The following RSF1 variants were observed in gnomAD, a reference collection of about 807,000 sequenced individuals.
RSF1 encodes remodeling and spacing factor 1.
A neutral mutation model predicts 145.2 loss-of-function variants in RSF1; 13 were observed. That is an observed-to-expected ratio of 0.09 (90% confidence interval 0.06 to 0.14). The LOEUF is 0.14. RSF1 is among the 10% of genes least tolerant of loss of function. The pLI, the probability that RSF1 is intolerant of heterozygous loss-of-function variation, is 1.00. For synonymous variants in RSF1, 577 were observed against 592.6 expected (o/e 0.97, Z 0.38); for missense variants, 1,517 against 1,718.2 (o/e 0.88, Z 2.07).
intron 1 of RSF1, among the ~76,000 whole-genome samples, chr11:77,805,455 G>GA (rs1020429101): frequency 6.7e-6 from 1 of 148,460 alleles, no homozygotes; most frequent in Non-Finnish European, 1.5e-5. Flanking sequence ...AAAGAAAAAA[G>GA]AAAAAAAAAG....
intron 1 of RSF1, among the ~76,000 whole-genome samples, chr11:77,781,008 G>C (rs1297821417): frequency 6.6e-6 from 1 of 151,946 alleles, no homozygotes; most frequent in East Asian, 1.9e-4. Context: ...TTCACATGAT[G>C]TTTCTGAGAT....
At chr11:77,783,408 T>C (rs1005210476) in intron 1 of RSF1, among the ~76,000 whole-genome samples, 6 of 152,240 alleles carry the variant, frequency 3.9e-5, no homozygotes, top group Admixed American at 1.3e-4. Context: ...AAGATGTTTC[T>C]TGTAGTGCAA....
At chr11:77,840,858 G>C in the RSF1 span, among the ~76,000 whole-genome samples, 3 of 152,178 alleles carry the variant, frequency 2.0e-5, no homozygotes, top group Admixed American at 1.3e-4. Flanking sequence ...TTTTCCCCCT[G>C]AAAGTTGTTC....
intron 1 of RSF1, among the ~76,000 whole-genome samples, chr11:77,779,156 C>A (rs898777884): frequency 3.3e-5 from 5 of 151,800 alleles, no homozygotes; most frequent in Admixed American, 1.3e-4. Flanking sequence ...GTTGGCCAGG[C>A]TGGTCTCAAA....
At chr11:77,727,335 G>A (rs974842623) in intron 4 of RSF1, among the ~76,000 whole-genome samples, 18 of 152,082 alleles carry the variant, frequency 1.2e-4, no homozygotes, top group Admixed American at 1.2e-3. Flanking sequence ...GCAACGAATG[G>A]CTCGATCTAT....
chr11:77,861,982 T>C, the RSF1 span, among the ~76,000 whole-genome samples: 3 of 152,210 alleles, frequency 2.0e-5, no homozygotes, highest in African/African-American at 7.2e-5. Context: ...AGAGGTGTGC[T>C]TTCTCAATGC....
chr11:77,753,485 G>A (rs72949618), intron 2 of RSF1, among the ~76,000 whole-genome samples: 26,534 of 152,226 alleles, frequency 0.17, 2,811 homozygotes, highest in Non-Finnish European at 0.24. Flanking sequence ...GCCTGAACTG[G>A]CTAAGGTGTG....
At chr11:77,680,541 G>T (rs1959830342) in intron 11 of RSF1, among the ~76,000 whole-genome samples, 1 of 152,174 alleles carries the variant, frequency 6.6e-6, no homozygotes. Flanking sequence ...CTTGAGCCCA[G>T]GAGTTGGGAG....
chr11:77,725,127 A>ATC (rs1961023460), intron 5 of RSF1, among the ~76,000 whole-genome samples: 1 of 152,184 alleles, frequency 6.6e-6, no homozygotes, highest in Admixed American at 6.5e-5. Flanking sequence ...TTTAACTGAG[A>ATC]AAGATCAAAA....
chr11:77,850,003 T>C, the RSF1 span, among the ~76,000 whole-genome samples: 1 of 152,224 alleles, frequency 6.6e-6, no homozygotes, highest in African/African-American at 2.4e-5. Flanking sequence ...GTAAACTCCC[T>C]AAGGTTAGCA....
chr11:77,683,843 T>G, intron 10 of RSF1, 24 bp from the exon 11 acceptor site: 2 of 1,538,106 alleles, frequency 1.3e-6, no homozygotes, highest in African/African-American at 1.4e-5. Context: ...ATAATAAGCA[T>G]AGAGGTTATT....
chr11:77,744,441 G>A (rs1233056561), intron 3 of RSF1, among the ~76,000 whole-genome samples: 1 of 152,116 alleles, frequency 6.6e-6, no homozygotes, highest in Non-Finnish European at 1.5e-5. Flanking sequence ...TAGGTCTACA[G>A]GTACACGCCA....
intron 4 of RSF1, among the ~76,000 whole-genome samples, chr11:77,732,122 G>A (rs941939728): frequency 1.3e-5 from 2 of 152,216 alleles, no homozygotes; most frequent in Non-Finnish European, 2.9e-5. Flanking sequence ...CAAGACCATG[G>A]GAACCCACCA....
chr11:77,835,223 CAGACA>C, the RSF1 span, among the ~76,000 whole-genome samples: 45 of 152,230 alleles, frequency 3.0e-4, no homozygotes, highest in Admixed American at 7.9e-4. Flanking sequence ...TAAAGGACAC[CAGACA>C]TATACCCTTT....
chr11:77,812,704 A>G (rs1174093355), intron 1 of RSF1, among the ~76,000 whole-genome samples: 1 of 152,096 alleles, frequency 6.6e-6, no homozygotes, highest in African/African-American at 2.4e-5. Flanking sequence ...CCTGGCCAAC[A>G]TGGCGAAACC....
intron 9 of RSF1, 112 bp from the exon 10 acceptor site, chr11:77,685,271 G>A: frequency 1.9e-6 from 1 of 527,732 alleles, no homozygotes; most frequent in African/African-American, 2.0e-5. Context: ...AACAGCAGAG[G>A]GTAAGTCACA....
intron 4 of RSF1, among the ~76,000 whole-genome samples, chr11:77,728,855 T>G (rs1554990215): frequency 6.8e-6 from 1 of 146,924 alleles, no homozygotes; most frequent in Non-Finnish European, 1.5e-5. Context: ...TGGTACCAGA[T>G]GCATAACTTG....
intron 14 of RSF1, among the ~76,000 whole-genome samples, chr11:77,673,892 G>A (rs1442433174): frequency 6.6e-6 from 1 of 151,894 alleles, no homozygotes; most frequent in South Asian, 2.1e-4. Context: ...AAAATATCAA[G>A]ATGAGACAAA....
At chr11:77,697,739 A>T (rs1960317737) in intron 7 of RSF1, among the ~76,000 whole-genome samples, 1 of 151,518 alleles carries the variant, frequency 6.6e-6, no homozygotes, top group Non-Finnish European at 1.5e-5. Context: ...GCAGGTGTAT[A>T]TATTTATAGG....
Sources: gnomAD v4.1 joint callset for allele counts (sites outside exome capture counted in the v4.1 genomes callset) on GRCh38, gnomAD v4.1.1 for gene constraint, MANE v1.5 for transcripts, NCBI Gene and HGNC (gene_info 2026-07-23, HGNC 2026-07-21) for gene names.